Variants in FREM2 observed in about 807,000 individuals in gnomAD.
FREM2 encodes FRAS1-related extracellular matrix protein 2.
In FREM2, 119 loss-of-function variants were observed where a neutral mutation model predicts 219.9. The observed-to-expected ratio is 0.54, with a 90% CI of 0.47 to 0.63. The LOEUF is 0.63. Ranked by LOEUF, FREM2 falls within the 30% of genes least tolerant of loss-of-function variation. The pLI is 0.00. For synonymous variants in FREM2, 1,562 were observed against 1,522.8 expected, an observed-to-expected ratio of 1.03 and a Z score of -0.60; for missense variants, 4,030 against 3,993.6, an observed-to-expected ratio of 1.01 and a Z score of -0.25.
At chr13:38,871,944 T>C (rs1442779606) in intron 16 of FREM2, among the ~76,000 whole-genome samples, 1 of 152,188 alleles carries the variant, frequency 6.6e-6, no homozygotes, top group Non-Finnish European at 1.5e-5. Context: ...ATGTTATATG[T>C]TATTAGTAAA....
Position 38,877,227 on chromosome 13 carries a change from T to C in FREM2, c.8655T>C (p.Asp2885=). The change falls in exon 21 of 24, where the codon GAT becomes GAC. Residue 2885 remains aspartate, a synonymous_variant. Transcript: ENST00000280481. ...DGSMGFGQES[D]VAFAEGDIIY... is the part of the protein sequence containing the mutation. ...CCATGGGATTCGGGCAAGAGAGTGA[T>C]GTTGCTTTTGCAGAAGGTATCACTT... 6.2e-7 allele frequency: 1 copy of C among 1,614,072 alleles called. No homozygotes were observed. The highest frequency in any genetic ancestry group is 1.7e-4 in the Middle Eastern group (1 of 6,058).
chr13:38,826,873 G>A (rs544820399), intron 6 of FREM2, among the ~76,000 whole-genome samples: 1 of 152,184 alleles, frequency 6.6e-6, no homozygotes, highest in South Asian at 2.1e-4. Context: ...TAAGCATAAA[G>A]TGACATCTCA....
intron 2 of FREM2, among the ~76,000 whole-genome samples, chr13:38,699,003 C>T (rs145903035): frequency 8.5e-5 from 13 of 152,124 alleles, no homozygotes; most frequent in East Asian, 3.9e-4. Context: ...TAGCATAAAA[C>T]GAAGTTCTAA....
chr13:38,777,782 A>T (rs1873933831), intron 4 of FREM2, among the ~76,000 whole-genome samples: 1 of 152,298 alleles, frequency 6.6e-6, no homozygotes, highest in South Asian at 2.1e-4. Flanking sequence ...CTATCAGGGA[A>T]GCCTTTCTTT....
At chr13:38,875,868 G>A (rs375355830) in intron 18 of FREM2, among the ~76,000 whole-genome samples, 154 bp from the exon 19 acceptor site, 9 of 152,290 alleles carry the variant, frequency 5.9e-5, no homozygotes, top group African/African-American at 1.9e-4. Flanking sequence ...ATCTGCCAGA[G>A]GAGGATAATT....
In FREM2 at chr13:38,729,028, T is replaced by A. The variant is rs564804089; in HGVS notation, c.5263+31241T>A. On this transcript the variant is annotated intron_variant, in intron 2 of 23. Coordinates refer to ENST00000280481, the MANE Select transcript of FREM2 (RefSeq NM_207361.6). ...TTTTGTATTTTTAGTAGAGACGGGG[T>A]TTCCCCATGTTGGTCAGGCTGGTCT... is the stretch of plus-strand genomic sequence containing the variant. Among the ~76,000 whole-genome samples, 5 of 152,260 alleles carry A rather than the reference T, an allele frequency of 3.3e-5. No homozygotes were observed. In the East Asian group the frequency reaches 9.7e-4, roughly 29 times the overall value.
At chr13:38,813,467 TCTCTCTCTCTCTC>T (rs1875578455) in intron 6 of FREM2, among the ~76,000 whole-genome samples, 1 of 4,460 alleles carries the variant, frequency 2.2e-4, no homozygotes, top group Non-Finnish European at 5.2e-4. Flanking sequence ...ATTTGTTTTC[TCTCTCTCTCTCTC>T]TCTCTCTCTC....
chr13:38,756,310 T>C (rs2137800362), intron 2 of FREM2, among the ~76,000 whole-genome samples: 1 of 152,330 alleles, frequency 6.6e-6, no homozygotes, highest in East Asian at 1.9e-4. Flanking sequence ...TATGGGCCTC[T>C]GGTCACATTT....
chr13:38,789,520 T>A (rs1044592124), intron 6 of FREM2, among the ~76,000 whole-genome samples: 5 of 149,056 alleles, frequency 3.4e-5, no homozygotes, highest in Admixed American at 6.6e-5. Context: ...TTTATTCAAG[T>A]TTTTTTTTAA....
chr13:38,764,547 G>A (rs1593393005), intron 3 of FREM2, 97 bp downstream of exon 3: 2 of 758,484 alleles, frequency 2.6e-6, no homozygotes, highest in East Asian at 5.5e-5. Flanking sequence ...TTCACTTAGA[G>A]CTTAAAGTTA....
Position 38,689,895 on chromosome 13 carries a change from G to C in FREM2, c.2551G>C (p.Glu851Gln). Reference sequence around the variant, plus strand: ...GGGTCACCACATCCTGAGTGAGACAGAGTTGCACGTGAATGATGTAGACAC... The same window carrying C: ...GGGTCACCACATCCTGAGTGAGACACAGTTGCACGTGAATGATGTAGACAC... Reference protein sequence around the residue: ...EKGHHILSETELHVNDVDTDV... With the variant: ...EKGHHILSETQLHVNDVDTDV... The change falls in exon 1 of 24, where the codon GAG becomes CAG. Residue 851 changes from glutamate to glutamine, a missense_variant. Around this residue, in one of 2 missense-constraint regions of FREM2, gnomAD observed 3,102 missense variants for 2,950.7 expected, o/e 1.05. Coordinates refer to ENST00000280481, the MANE Select transcript of FREM2 (RefSeq NM_207361.6). 6.2e-7 allele frequency: 1 copy of C among 1,614,194 alleles called. No homozygotes were observed. Among genetic ancestry groups the C allele is most frequent in the Non-Finnish European group, 8.5e-7 (1 of 1,180,038 alleles).
At chr13:38,870,320 A>G (rs908292054) in intron 16 of FREM2, among the ~76,000 whole-genome samples, 15 of 152,144 alleles carry the variant, frequency 9.9e-5, no homozygotes, top group Non-Finnish European at 1.5e-4. Context: ...TACTTTTTCC[A>G]TGGTATTTGC....
rs1593355760 is a variant in FREM2, at chr13:38,707,090, A to C, written c.5263+9303A>C. Among the ~76,000 whole-genome samples, 8 of 152,336 alleles carry C rather than the reference A, an allele frequency of 5.3e-5. No homozygotes were observed. The South Asian group carries it at 1.7e-3, about 32-fold the overall frequency. ...TTAGTGCAAGTTTACTAAGATTATT[A>C]ATTTATTAATCCGGTTCTGCCCTTT... On this transcript the variant is annotated intron_variant, in intron 2 of 23. Coordinates refer to ENST00000280481, the MANE Select transcript of FREM2 (RefSeq NM_207361.6).
At chr13:38,855,694 A>G (rs1440023162) in intron 11 of FREM2, among the ~76,000 whole-genome samples, 2 of 152,164 alleles carry the variant, frequency 1.3e-5, no homozygotes, top group Non-Finnish European at 2.9e-5. Context: ...ATGCAAAGGC[A>G]TAACAATGAT....
rs369396712 is a variant in FREM2 at position 38,878,820 on chromosome 13, A to G, written c.8860-11A>G. 6.2e-7 allele frequency: 1 copy of G among 1,613,870 alleles called. No individual in the cohort carries two copies. The highest frequency in any genetic ancestry group is 1.3e-5 in the African/African-American group (1 of 74,924). ...ATCTACAGCAATCACCACTTTCCTT[A>G]CTGCTTAAAGGACAAAGCTCAGCCA... On this transcript the variant is annotated splice_polypyrimidine_tract_variant and intron_variant, in intron 22 of 23. Transcript: ENST00000280481.
At chr13:38,879,177 G>A (rs191027981) in intron 23 of FREM2, among the ~76,000 whole-genome samples, 200 bp downstream of exon 23, 95 of 152,190 alleles carry the variant, frequency 6.2e-4, no homozygotes, top group Admixed American at 4.1e-3. Flanking sequence ...TAAACCCAGC[G>A]TTTATTATTT....
chr13:38,690,061 G>T lies in FREM2; in HGVS notation c.2717G>T (p.Gly906Val). The change falls in exon 1 of 24, where the codon GGG (glycine) becomes GTG (valine). Residue 906 changes from glycine (G) to valine (V), a missense_variant. This residue lies in a region of FREM2 where 3,102 missense variants were observed against 2,950.7 expected (regional missense o/e 1.05). Coordinates refer to ENST00000280481, the MANE Select transcript of FREM2 (RefSeq NM_207361.6). The stretch of plus-strand genomic sequence containing the variant: ...GGCCGAGTTTCCTATGCCCATAATG[G>T]GGACAAGTCCCTGACTGATAGCTGC... Reference protein sequence around the residue: ...KQGRVSYAHNGDKSLTDSCSL... With the variant: ...KQGRVSYAHNVDKSLTDSCSL... 3 of 1,613,922 alleles carry T rather than the reference G, an allele frequency of 1.9e-6. No individual in the cohort carries two copies. The highest frequency in any genetic ancestry group is 2.5e-6 in the Non-Finnish European group (3 of 1,180,022).
chr13:38,826,819 T>C (rs1207026138), intron 6 of FREM2, among the ~76,000 whole-genome samples: 1 of 152,088 alleles, frequency 6.6e-6, no homozygotes, highest in Non-Finnish European at 1.5e-5. Flanking sequence ...GACTTCTGAT[T>C]GGTGATTTTT....
chr13:38,697,590 G>A (rs767830338), intron 1 of FREM2, 108 bp from the exon 2 acceptor site: 3 of 721,814 alleles, frequency 4.2e-6, no homozygotes, highest in South Asian at 1.5e-5. Context: ...GGAGGAAAAA[G>A]GAATTTAAAC....
Sources: gnomAD v4.1 joint callset for allele counts (sites outside exome capture counted in the v4.1 genomes callset) on GRCh38, gnomAD v4.1.1 for gene constraint, gnomAD v4.1.1 regional missense constraint, MANE v1.5 for transcripts, NCBI Gene and HGNC (gene_info 2026-07-23, HGNC 2026-07-21) for gene names.